MEI4: variants seen among roughly 807,000 people sequenced by gnomAD.
MEI4 encodes the protein meiotic double-stranded break formation protein 4, also known as meiosis-specific protein MEI4.
In MEI4, 27 loss-of-function variants were observed where a neutral mutation model predicts 31.4. The observed-to-expected ratio is 0.86, with a 90% confidence interval of 0.63 to 1.19. The LOEUF is 1.19. Among genes scored for constraint, MEI4 ranks in the 50% most tolerant of loss-of-function variants. The pLI is 0.00. For missense variants in MEI4, 329 were observed against 398.9 expected (o/e 0.82, Z 1.49); for synonymous variants, 122 against 145.4 (o/e 0.84, Z 1.16).
In MEI4 at chr6:77,841,832, C is replaced by T. The variant is rs550929807; in HGVS notation, c.900+12770C>T. ...AAATATATTTCTAAACAAAGAACAT[C>T]AACAGGGTAAAGAGAGATATTACAT... On this transcript the variant is annotated intron_variant, in intron 4 of 4. Coordinates refer to ENST00000684080, the MANE Select transcript of MEI4 (RefSeq NM_001322247.2). Among the ~76,000 whole-genome samples the T allele has an allele frequency of 1.3e-4, 20 of 152,064 alleles. No homozygotes were observed. In the South Asian group the frequency reaches 4.2e-3, roughly 32 times the overall value.
intron 1 of MEI4, among the ~76,000 whole-genome samples, chr6:77,685,047 A>G (rs1175575965): frequency 6.6e-6 from 1 of 152,068 alleles, no homozygotes; most frequent in Non-Finnish European, 1.5e-5. Flanking sequence ...AGCCCTTTTA[A>G]CTGGGATGAG....
In MEI4 at chr6:77,827,142, C is replaced by A. The variant is rs952907882; in HGVS notation, c.769-1789C>A. Among the ~76,000 whole-genome samples, 4 of 151,900 alleles carry A rather than the reference C, an allele frequency of 2.6e-5. No individual in the cohort carries two copies. The South Asian group carries it at 8.3e-4, about 32-fold the overall frequency. On this transcript the variant is annotated intron_variant, in intron 3 of 4. Transcript: ENST00000684080. The stretch of plus-strand genomic sequence containing the variant: ...TTGGGAGGCCAAGGCGGGCAGATCA[C>A]GAGGTTAGGAGATCAAGACCATCCT...
At chr6:77,778,717 A>ATAAATAAG (rs1305327737) in intron 3 of MEI4, among the ~76,000 whole-genome samples, 11 of 150,930 alleles carry the variant, frequency 7.3e-5, no homozygotes, top group African/African-American at 2.7e-4. Context: ...AAATAAATAA[A>ATAAATAAG]TAAATAAATA....
At chr6:77,908,555 G>A (rs1475758365) in intron 4 of MEI4, among the ~76,000 whole-genome samples, 9 of 152,064 alleles carry the variant, frequency 5.9e-5, no homozygotes, top group Non-Finnish European at 8.8e-5. Context: ...CTGTAGCCTT[G>A]TAGTATAGTT....
At position 77,798,813 on chromosome 6, in the gene MEI4, G is replaced by A. The variant is rs969562350; in HGVS notation, c.769-30118G>A. Among the ~76,000 whole-genome samples, 219 of 152,020 alleles carry A rather than the reference G, an allele frequency of 1.4e-3. 1 individual carries two copies. Among genetic ancestry groups the A allele is most frequent in the African/African-American group, 5.1e-3 (213 of 41,452 alleles). ...CAATTTCATCCATGTCCCTACAAAGGACATGAACTCATCATTTTTTATGGC... is the reference window on the plus strand; with the variant it reads ...CAATTTCATCCATGTCCCTACAAAGAACATGAACTCATCATTTTTTATGGC... On this transcript the variant is annotated intron_variant, in intron 3 of 4. Transcript: ENST00000684080.
At chr6:77,753,571 G>C (rs1767837664) in intron 2 of MEI4, among the ~76,000 whole-genome samples, 1 of 152,318 alleles carries the variant, frequency 6.6e-6, no homozygotes, top group Non-Finnish European at 1.5e-5. Flanking sequence ...ACGCCAGTTA[G>C]AATGGCAATC....
intron 3 of MEI4, among the ~76,000 whole-genome samples, chr6:77,789,494 G>T (rs1293840518): frequency 2.0e-5 from 3 of 152,080 alleles, no homozygotes; most frequent in Non-Finnish European, 4.4e-5. Flanking sequence ...GAAAATTTTT[G>T]CAATCTACTC....
intron 1 of MEI4, among the ~76,000 whole-genome samples, chr6:77,658,581 C>T (rs151099829): frequency 0.031 from 4,755 of 151,868 alleles, 137 homozygotes; most frequent in Middle Eastern, 0.065. Context: ...CTGTTTCAAG[C>T]GGGATTAGGG....
intron 3 of MEI4, among the ~76,000 whole-genome samples, chr6:77,772,256 CA>C (rs58119358): frequency 0.5 from 70,032 of 140,130 alleles, 17,007 homozygotes; most frequent in South Asian, 0.57. Context: ...AAAGACACAT[CA>C]AAAAAAAAAA....
chr6:77,789,269 G>C (rs961783615), intron 3 of MEI4, among the ~76,000 whole-genome samples: 1 of 152,146 alleles, frequency 6.6e-6, no homozygotes, highest in African/African-American at 2.4e-5. Flanking sequence ...ATGGATTAAA[G>C]ACTTAAACAT....
intron 3 of MEI4, among the ~76,000 whole-genome samples, chr6:77,784,363 C>A (rs1392979162): frequency 1.3e-5 from 2 of 152,256 alleles, no homozygotes; most frequent in Admixed American, 1.3e-4. Flanking sequence ...TAAGCTGTTA[C>A]TGAGGAGACA....
chr6:77,748,990 G>A (rs1767692812), intron 2 of MEI4, among the ~76,000 whole-genome samples: 2 of 152,120 alleles, frequency 1.3e-5, no homozygotes, highest in Non-Finnish European at 2.9e-5. Context: ...AGGGTCTGGA[G>A]TGGACCTCCA....
intron 1 of MEI4, among the ~76,000 whole-genome samples, chr6:77,668,700 C>G (rs1435196528): frequency 6.6e-6 from 1 of 152,124 alleles, no homozygotes; most frequent in Non-Finnish European, 1.5e-5. Flanking sequence ...AGGTACATCA[C>G]AGGATTATGA....
intron 2 of MEI4, among the ~76,000 whole-genome samples, chr6:77,740,282 T>A (rs928043347): frequency 6.6e-6 from 1 of 152,164 alleles, no homozygotes; most frequent in Non-Finnish European, 1.5e-5. Context: ...AGAATGTACA[T>A]TCTGTTGTTT....
At chr6:77,716,965 A>G (rs980821014) in intron 2 of MEI4, 1 of 394,908 alleles carries the variant, frequency 2.5e-6, no homozygotes, top group African/African-American at 2.2e-5. Context: ...GGTTGCCCCT[A>G]CACACCTGTG....
At chr6:77,790,543 C>T (rs920334982) in intron 3 of MEI4, among the ~76,000 whole-genome samples, 2 of 151,170 alleles carry the variant, frequency 1.3e-5, no homozygotes, top group Non-Finnish European at 2.9e-5. Flanking sequence ...TGCACATGTA[C>T]TTCCTGAATT....
chr6:77,858,254 T>C (rs1338507961), intron 4 of MEI4, among the ~76,000 whole-genome samples: 1 of 152,176 alleles, frequency 6.6e-6, no homozygotes, highest in East Asian at 1.9e-4. Flanking sequence ...AGTTGGACTT[T>C]TATTTTTATT....
At chr6:77,792,170 A>C (rs9341695) in intron 3 of MEI4, among the ~76,000 whole-genome samples, 24,040 of 152,176 alleles carry the variant, frequency 0.16, 2,291 homozygotes, top group East Asian at 0.39. Flanking sequence ...TATATATGCC[A>C]CATTTTCTTT....
rs543060430 is a variant in MEI4, at chr6:77,694,832, C to T, written c.232+3929C>T. On this transcript the variant is annotated intron_variant, in intron 2 of 4. Transcript: ENST00000684080. ...TTCTAGTTCTAGATCCCTGAGGAAT[C>T]GCCACACTGACTTCCACAATGGTTG... is the stretch of plus-strand genomic sequence containing the variant. 3.9e-3 allele frequency among the ~76,000 whole-genome samples: 590 copies of T among 151,356 alleles called. 5 individuals carry two copies. Among genetic ancestry groups the T allele is most frequent in the African/African-American group, 0.013 (554 of 41,168 alleles).
Sources: allele counts gnomAD v4.1 joint callset (sites outside exome capture counted in the v4.1 genomes callset), GRCh38; gene constraint gnomAD v4.1.1; transcripts MANE v1.5; gene names NCBI Gene and HGNC (gene_info 2026-07-23, HGNC 2026-07-21).